Variants in SLC39A11 observed in about 807,000 individuals in gnomAD.
SLC39A11 encodes the protein solute carrier family 39 member 11, also known as zinc transporter ZIP11.
In SLC39A11, 33 loss-of-function variants were observed where a neutral mutation model predicts 36.1. That is an observed-to-expected ratio of 0.91 (90% CI 0.69 to 1.22). The LOEUF is 1.22. Among genes scored for constraint, SLC39A11 ranks in the 50% most tolerant of loss-of-function variants. The pLI, the probability that SLC39A11 is intolerant of heterozygous loss-of-function variation, is 0.00. For synonymous variants in SLC39A11, 166 were observed against 170.3 expected (o/e 0.97, Z 0.20); for missense variants, 432 against 430.3 (o/e 1.00, Z -0.03).
At chr17:73,047,796 C>G (rs199946187) in intron 3 of SLC39A11, among the ~76,000 whole-genome samples, 2 of 150,840 alleles carry the variant, frequency 1.3e-5, no homozygotes, top group African/African-American at 4.9e-5. Context: ...GGTGAAACCC[C>G]GTCTCTACTA....
chr17:72,855,770 A>T (rs531196887), intron 5 of SLC39A11, among the ~76,000 whole-genome samples: 2 of 151,942 alleles, frequency 1.3e-5, no homozygotes, highest in African/African-American at 4.8e-5. Flanking sequence ...GGTGGCGGGC[A>T]CCTGTAGTCC....
At chr17:72,977,555 AC>A (rs1183132813) in intron 4 of SLC39A11, among the ~76,000 whole-genome samples, 1 of 152,088 alleles carries the variant, frequency 6.6e-6, no homozygotes, top group Non-Finnish European at 1.5e-5. Context: ...AGGGGAGAAC[AC>A]CCCCACCCCT....
intron 7 of SLC39A11, among the ~76,000 whole-genome samples, chr17:72,702,244 G>A (rs575240479): frequency 9.9e-4 from 151 of 152,330 alleles, no homozygotes; most frequent in Non-Finnish European, 1.8e-3. Flanking sequence ...AAAGATAGGA[G>A]GCTACTGTTT....
intron 5 of SLC39A11, among the ~76,000 whole-genome samples, chr17:72,867,104 G>A (rs1567851297): frequency 6.6e-6 from 1 of 152,216 alleles, no homozygotes; most frequent in Non-Finnish European, 1.5e-5. Context: ...TGGAAAAGTA[G>A]TAACATTAAA....
chr17:72,722,130 C>A (rs968538066), intron 7 of SLC39A11, among the ~76,000 whole-genome samples: 2 of 151,938 alleles, frequency 1.3e-5, no homozygotes, highest in East Asian at 1.9e-4. Flanking sequence ...GTATCAATTT[C>A]TTTTCCATGC....
intron 5 of SLC39A11, among the ~76,000 whole-genome samples, chr17:72,907,735 T>C (rs1370979455): frequency 6.6e-6 from 1 of 152,182 alleles, no homozygotes; most frequent in African/African-American, 2.4e-5. Flanking sequence ...TCCCCTTAAA[T>C]GGGTCCATGC....
intron 8 of SLC39A11, 90 bp from the exon 9 acceptor site, chr17:72,649,051 G>A (rs2069722906): frequency 1.3e-6 from 2 of 1,548,290 alleles, no homozygotes. Flanking sequence ...CTAGCACATG[G>A]ATGCATGCCA....
intron 6 of SLC39A11, among the ~76,000 whole-genome samples, chr17:72,843,823 A>C (rs72847935): frequency 0.047 from 7,131 of 152,152 alleles, 192 homozygotes; most frequent in Non-Finnish European, 0.06. Context: ...GAACTATTTG[A>C]CCTTGCACAT....
intron 4 of SLC39A11, among the ~76,000 whole-genome samples, chr17:73,030,664 GGGTGCTTCT>G (rs1303253339): frequency 1.3e-5 from 2 of 152,136 alleles, no homozygotes; most frequent in Non-Finnish European, 2.9e-5. Flanking sequence ...ACCAGTTCAG[GGGTGCTTCT>G]GCCATCTCTA....
intron 4 of SLC39A11, among the ~76,000 whole-genome samples, chr17:72,978,045 C>G (rs999669728): frequency 6.6e-6 from 1 of 152,246 alleles, no homozygotes; most frequent in Non-Finnish European, 1.5e-5. Context: ...GATTCCTAGC[C>G]AGGGTGGTCG....
chr17:72,915,369 T>C (rs62069581), intron 5 of SLC39A11, among the ~76,000 whole-genome samples: 23,336 of 152,128 alleles, frequency 0.15, 2,034 homozygotes, highest in Non-Finnish European at 0.2. Context: ...TTTACCTAAT[T>C]GTTACCCTGC....
Position 72,964,802 on chromosome 17 carries a change from C to T in SLC39A11, c.307-16927G>A, listed in dbSNP as rs141910468. On this transcript the variant is annotated intron_variant, in intron 4 of 9. Coordinates refer to ENST00000255559, the MANE Select transcript of SLC39A11 (RefSeq NM_139177.4). ...ATGCTGCTATAAAGACACATGCACA[C>T]GTATGTTTATTGCGGCACTATGCAC... 7.3e-3 allele frequency among the ~76,000 whole-genome samples: 1,119 copies of T among 152,272 alleles called. 8 individuals carry two copies. The highest frequency in any genetic ancestry group is 0.012 in the Non-Finnish European group (783 of 68,024).
intron 7 of SLC39A11, among the ~76,000 whole-genome samples, chr17:72,679,819 G>A (rs7214986): frequency 0.091 from 13,913 of 152,094 alleles, 719 homozygotes; most frequent in Non-Finnish European, 0.11. Flanking sequence ...CAAGGTGGGC[G>A]GATCACGAGG....
rs913701858 is a variant in SLC39A11 at position 72,672,127 on chromosome 17, A to G, written c.672-22859T>C. Among the ~76,000 whole-genome samples, 5 of 152,354 alleles carry G rather than the reference A, an allele frequency of 3.3e-5. 1 individual carries two copies. Among genetic ancestry groups the G allele is most frequent in the Middle Eastern group, 6.8e-3 (2 of 294 alleles). The stretch of plus-strand genomic sequence containing the variant: ...GACTGTGGTAATCATTTCACTATAA[A>G]TATGTATATAAACTCAAAACAAAAC... On this transcript the variant is annotated intron_variant, in intron 7 of 9. Transcript: ENST00000255559.
intron 6 of SLC39A11, among the ~76,000 whole-genome samples, chr17:72,808,527 A>G (rs2077332600): frequency 6.6e-6 from 1 of 152,208 alleles, no homozygotes; most frequent in African/African-American, 2.4e-5. Context: ...GAGGGGCCTG[A>G]ATTCTGCTAA....
intron 3 of SLC39A11, among the ~76,000 whole-genome samples, chr17:73,058,778 T>C (rs2059749887): frequency 6.6e-6 from 1 of 152,192 alleles, no homozygotes; most frequent in Non-Finnish European, 1.5e-5. Flanking sequence ...GTTCCTTTTG[T>C]AGGATCTGTC....
rs142547851 is a variant in SLC39A11, at chr17:73,072,036, T to C, written c.147+12772A>G. ...AGGAATATCTATTAAACATCTACCTTTTCCTATAGAGCAACTAATAAGAGT... is the reference window on the plus strand; with the variant it reads ...AGGAATATCTATTAAACATCTACCTCTTCCTATAGAGCAACTAATAAGAGT... On this transcript the variant is annotated intron_variant, in intron 3 of 9. Transcript: ENST00000255559. Among the ~76,000 whole-genome samples, 317 of 152,286 alleles carry C rather than the reference T, an allele frequency of 2.1e-3. 1 individual carries two copies. The highest frequency in any genetic ancestry group is 7.2e-3 in the African/African-American group (299 of 41,560).
At chr17:72,988,926 G>T (rs1431192399) in intron 4 of SLC39A11, among the ~76,000 whole-genome samples, 1 of 151,992 alleles carries the variant, frequency 6.6e-6, no homozygotes, top group Non-Finnish European at 1.5e-5. Flanking sequence ...ATTACAATAT[G>T]CAGGCAGAGC....
intron 5 of SLC39A11, among the ~76,000 whole-genome samples, chr17:72,898,644 T>A (rs2082151922): frequency 6.6e-6 from 1 of 152,228 alleles, no homozygotes; most frequent in Non-Finnish European, 1.5e-5. Flanking sequence ...ACACAGTGCA[T>A]ACATGGGCAT....
Sources: gnomAD v4.1 joint callset for allele counts (sites outside exome capture counted in the v4.1 genomes callset) on GRCh38, gnomAD v4.1.1 for gene constraint, MANE v1.5 for transcripts, NCBI Gene and HGNC (gene_info 2026-07-23, HGNC 2026-07-21) for gene names.